PUDP: variants seen among roughly 807,000 people sequenced by gnomAD.
The protein encoded by PUDP is pseudouridine 5'-phosphatase, also known as pseudouridine-5'-phosphatase.
In PUDP, 8 loss-of-function variants were observed where a neutral mutation model predicts 9.4. The observed-to-expected ratio is 0.85, with a 90% confidence interval of 0.50 to 1.53. The LOEUF is 1.53. Ranked by LOEUF, PUDP falls within the 40% of genes most tolerant of loss-of-function variation. The pLI is 0.00. For missense variants in PUDP, 188 were observed against 189.7 expected, an observed-to-expected ratio of 0.99 and a Z score of 0.05; for synonymous variants, 99 against 80.7, an observed-to-expected ratio of 1.23 and a Z score of -1.22.
At chrX:7,102,642 T>C (rs1318650396) in intron 2 of PUDP, among the ~76,000 whole-genome samples, 1 of 110,191 alleles carries the variant, frequency 9.1e-6, no homozygotes, top group African/African-American at 3.3e-5. Flanking sequence ...AACAAAATTA[T>C]CTTTGTTCAC....
chrX:6,837,782 T>G (rs1195825139), intron 3 of PUDP, among the ~76,000 whole-genome samples: 1 of 111,249 alleles, frequency 9.0e-6, no homozygotes, highest in Non-Finnish European at 1.9e-5. Context: ...CAGCCCTTTC[T>G]GTGGCTAGAA....
intron 3 of PUDP, among the ~76,000 whole-genome samples, chrX:6,788,493 A>G (rs993494573): frequency 1.8e-5 from 2 of 111,926 alleles, no homozygotes; most frequent in Non-Finnish European, 3.8e-5. Flanking sequence ...CCTTGAGCCT[A>G]GGAGTTCCAG....
At chrX:6,762,100 G>C (rs903640059) in intron 3 of PUDP, among the ~76,000 whole-genome samples, 1 of 111,660 alleles carries the variant, frequency 9.0e-6, no homozygotes, top group Non-Finnish European at 1.9e-5. Flanking sequence ...GCTGAGGCGG[G>C]AGGATGGATT....
At chrX:6,975,729 A>G (rs957678548) in intron 3 of PUDP, among the ~76,000 whole-genome samples, 2 of 111,798 alleles carry the variant, frequency 1.8e-5, no homozygotes, top group Admixed American at 1.9e-4. Flanking sequence ...CCCTTAACAG[A>G]GCTTGAGCAC....
intron 3 of PUDP, among the ~76,000 whole-genome samples, chrX:6,878,298 A>T (rs766878834): frequency 3.1e-4 from 35 of 111,566 alleles, no homozygotes; most frequent in African/African-American, 1.1e-3. Flanking sequence ...ATCATGAATA[A>T]CATGAAATTC....
intron 3 of PUDP, among the ~76,000 whole-genome samples, chrX:6,811,635 T>A (rs1026775848): frequency 4.9e-5 from 5 of 101,868 alleles, no homozygotes; most frequent in South Asian, 4.5e-4. Flanking sequence ...TTTTTTTTTT[T>A]AATTATTTTT....
intron 3 of PUDP, among the ~76,000 whole-genome samples, chrX:6,785,206 T>C (rs139781844): frequency 0.017 from 1,900 of 112,739 alleles, 39 homozygotes; most frequent in Admixed American, 0.076. Context: ...CCCTAAAATG[T>C]GTTGTGGCTT....
At chrX:6,816,381 A>G (rs969431153) in intron 3 of PUDP, among the ~76,000 whole-genome samples, 3 of 104,261 alleles carry the variant, frequency 2.9e-5, no homozygotes, top group African/African-American at 1.0e-4. Flanking sequence ...TATATACTAT[A>G]GATAGTATAT....
chrX:6,720,229 T>A (rs1297008169), intron 1 of PUDP, among the ~76,000 whole-genome samples: 17 of 84,519 alleles, frequency 2.0e-4, no homozygotes, highest in African/African-American at 7.3e-4. Flanking sequence ...TGTGTATATA[T>A]GTGTGTATAT....
intron 2 of PUDP, among the ~76,000 whole-genome samples, chrX:7,095,177 G>A (rs1218064124): frequency 2.7e-5 from 3 of 112,442 alleles, no homozygotes; most frequent in African/African-American, 3.2e-5. Context: ...GCAGTAGAGC[G>A]CCGTGGCTAA....
chrX:7,053,277 C>T (rs763611489), intron 3 of PUDP, among the ~76,000 whole-genome samples: 2 of 111,181 alleles, frequency 1.8e-5, no homozygotes, highest in East Asian at 2.8e-4. Context: ...GTGTGTGGGA[C>T]GGGAAATCAG....
intron 3 of PUDP, among the ~76,000 whole-genome samples, chrX:6,945,203 G>A (rs1227614709): frequency 9.0e-6 from 1 of 110,906 alleles, no homozygotes. Flanking sequence ...TTGGGGTACC[G>A]GGTGAGTGGA....
Position 6,976,485 on chromosome X carries a change from G to A in PUDP, c.*247+648C>T, listed in dbSNP as rs769124981. ...CCCCAACCTCTCGCACTTCCTGGGT[G>A]AGGCAACGCCCCACCCTGTTTCTGC... On this transcript the variant is annotated intron_variant and NMD_transcript_variant, in intron 3 of 3. Transcript: ENST00000655425. Among the ~76,000 whole-genome samples the A allele has an allele frequency of 7.3e-4, 82 of 111,869 alleles. 1 individual carries two copies. Among genetic ancestry groups the A allele is most frequent in the African/African-American group, 2.5e-3 (77 of 30,822 alleles).
intron 1 of PUDP, among the ~76,000 whole-genome samples, chrX:7,003,661 A>G (rs190479876): frequency 2.1e-3 from 231 of 111,752 alleles, no homozygotes; most frequent in Non-Finnish European, 3.4e-3. Context: ...TTTTCTCTTC[A>G]TGCCATTCTT....
Position 7,038,860 on chromosome X carries a change from G to A in PUDP, c.204+38360C>T, listed in dbSNP as rs147060231. Among the ~76,000 whole-genome samples, 14 of 111,748 alleles carry A rather than the reference G, an allele frequency of 1.3e-4. No homozygotes were observed. In the East Asian group the frequency reaches 2.8e-3, roughly 22 times the overall value. ...TTGGGATGAATATCGTTCTTTCCTC[G>A]GATTGTTCCTTCATTTCATTCATTC... On this transcript the variant is annotated intron_variant and NMD_transcript_variant, in intron 1 of 3. Transcript: ENST00000655425.
intron 1 of PUDP, among the ~76,000 whole-genome samples, chrX:7,143,394 A>G (rs772768213): frequency 9.8e-5 from 11 of 112,203 alleles, no homozygotes; most frequent in South Asian, 7.4e-4. Flanking sequence ...TATTGCTTTT[A>G]TTTGAAAGAG....
intron 1 of PUDP, among the ~76,000 whole-genome samples, chrX:6,715,277 C>T (rs772217912): frequency 9.0e-6 from 1 of 110,801 alleles, no homozygotes; most frequent in Non-Finnish European, 1.9e-5. Flanking sequence ...CGCAGCATTC[C>T]ATTGTGTGGC....
chrX:6,903,585 A>G (rs6639696), intron 3 of PUDP, among the ~76,000 whole-genome samples: 39,284 of 110,579 alleles, frequency 0.36, 5,532 homozygotes, highest in East Asian at 0.64. Context: ...TGGCATATAT[A>G]CACCATGGAA....
intron 2 of PUDP, among the ~76,000 whole-genome samples, chrX:7,081,541 T>C (rs5978245): frequency 0.33 from 37,293 of 111,663 alleles, 4,749 homozygotes; most frequent in Middle Eastern, 0.47. Context: ...CACACCAATG[T>C]GTCTAGACTG....
Sources: gnomAD v4.1 joint callset for allele counts (sites outside exome capture counted in the v4.1 genomes callset) on GRCh38, gnomAD v4.1.1 for gene constraint, MANE v1.5 for transcripts, NCBI Gene and HGNC (gene_info 2026-07-23, HGNC 2026-07-21) for gene names.